Variants in RCOR1 observed in about 807,000 individuals in gnomAD.
The protein encoded by RCOR1 is REST corepressor 1.
RCOR1 carries 12 observed loss-of-function variants against 64.0 expected under a neutral mutation model. The observed-to-expected ratio is 0.19, with a 90% CI of 0.12 to 0.30. The LOEUF is 0.30. Ranked by LOEUF, RCOR1 falls within the 10% of genes least tolerant of loss-of-function variation. The pLI, the probability that RCOR1 is intolerant of heterozygous loss-of-function variation, is 1.00. For missense variants in RCOR1, 502 were observed against 621.2 expected (o/e 0.81, Z 2.04); for synonymous variants, 279 against 227.2 (o/e 1.23, Z -2.05).
At chr14:102,718,656 T>C (rs1896115520) in intron 8 of RCOR1, among the ~76,000 whole-genome samples, 2 of 152,174 alleles carry the variant, frequency 1.3e-5, no homozygotes, top group Non-Finnish European at 2.9e-5. Context: ...TGTTTTTTCT[T>C]TAAGTGTGAT....
chr14:102,719,253 TC>T (rs1296881745), intron 8 of RCOR1, among the ~76,000 whole-genome samples: 49 of 152,270 alleles, frequency 3.2e-4, no homozygotes, highest in African/African-American at 9.6e-4. Context: ...TTCTTCTTCT[TC>T]TTTTTTTAAA....
At chr14:102,720,613 C>T (rs1896153596) in intron 8 of RCOR1, among the ~76,000 whole-genome samples, 1 of 152,076 alleles carries the variant, frequency 6.6e-6, no homozygotes, top group Non-Finnish European at 1.5e-5. Context: ...AAAGACTGGG[C>T]CTTTTTGGTC....
chr14:102,661,138 G>A (rs1894816722), intron 2 of RCOR1, among the ~76,000 whole-genome samples: 1 of 152,156 alleles, frequency 6.6e-6, no homozygotes, highest in Non-Finnish European at 1.5e-5. Flanking sequence ...CTTGAGCCCA[G>A]GAATTCGAGA....
chr14:102,712,381 G>A (rs908397754), intron 7 of RCOR1, among the ~76,000 whole-genome samples: 2 of 151,412 alleles, frequency 1.3e-5, no homozygotes, highest in African/African-American at 2.4e-5. Flanking sequence ...GTAGAGATGG[G>A]GTTTCATCAT....
chr14:102,680,571 G>A (rs527411446), intron 2 of RCOR1, among the ~76,000 whole-genome samples: 5 of 152,144 alleles, frequency 3.3e-5, no homozygotes, highest in Non-Finnish European at 7.3e-5. Context: ...ACTTTGGGAG[G>A]CCAAGGCAGG....
At chr14:102,598,471 G>C (rs539304435) in intron 2 of RCOR1, among the ~76,000 whole-genome samples, 1 of 133,196 alleles carries the variant, frequency 7.5e-6, no homozygotes, top group Admixed American at 8.3e-5. Flanking sequence ...TTTTTGAGAC[G>C]GTGTCTCGCT....
At chr14:102,620,855 C>G (rs1893858759) in intron 2 of RCOR1, among the ~76,000 whole-genome samples, 1 of 152,156 alleles carries the variant, frequency 6.6e-6, no homozygotes, top group Admixed American at 6.6e-5. Context: ...CTTTCTTTAT[C>G]TCCTTCACTT....
chr14:102,654,045 G>A (rs1894670451), intron 2 of RCOR1, among the ~76,000 whole-genome samples: 1 of 140,018 alleles, frequency 7.1e-6, no homozygotes, highest in Non-Finnish European at 1.5e-5. Context: ...GAGTGCAGTG[G>A]TGCGATCTCC....
chr14:102,604,516 A>G (rs1354714249), intron 2 of RCOR1, among the ~76,000 whole-genome samples: 1 of 152,196 alleles, frequency 6.6e-6, no homozygotes, highest in Non-Finnish European at 1.5e-5. Flanking sequence ...CAACAGTCAT[A>G]TGATGTAAAG....
chr14:102,707,633 C>T, intron 5 of RCOR1, 121 bp downstream of exon 5: 1 of 888,218 alleles, frequency 1.1e-6, no homozygotes, highest in South Asian at 1.8e-5. Flanking sequence ...TAAAGTTCCC[C>T]TTTAGATTCA....
intron 11 of RCOR1, 133 bp from the exon 12 acceptor site, chr14:102,726,335 A>C: frequency 2.5e-6 from 2 of 804,112 alleles, no homozygotes; most frequent in Non-Finnish European, 3.9e-6. Flanking sequence ...CCCTCCAAAA[A>C]AAAAAAAAAG....
At chr14:102,598,403 A>G (rs1893310597) in intron 2 of RCOR1, among the ~76,000 whole-genome samples, 1 of 151,654 alleles carries the variant, frequency 6.6e-6, no homozygotes, top group East Asian at 1.9e-4. Context: ...CAAAGAGTGA[A>G]TGAGGTGGAT....
intron 2 of RCOR1, among the ~76,000 whole-genome samples, chr14:102,598,479 G>A (rs558951247): frequency 5.2e-5 from 7 of 135,652 alleles, no homozygotes; most frequent in African/African-American, 1.7e-4. Flanking sequence ...ACGGTGTCTC[G>A]CTCTGTTGTC....
intron 3 of RCOR1, 47 bp downstream of exon 3, chr14:102,682,025 G>C (rs1196568729): frequency 7.8e-7 from 1 of 1,288,152 alleles, no homozygotes; most frequent in Admixed American, 1.7e-5. Context: ...TTTAATGTAA[G>C]GTTTTAAAGG....
chr14:102,707,308 GT>G (rs1290660464), intron 4 of RCOR1, 42 bp from the exon 5 acceptor site: 1 of 1,435,108 alleles, frequency 7.0e-7, no homozygotes. Flanking sequence ...CATTTTCATT[GT>G]TTTTTGTTTG....
intron 2 of RCOR1, among the ~76,000 whole-genome samples, chr14:102,617,168 T>C (rs1352410752): frequency 1.3e-5 from 2 of 151,348 alleles, no homozygotes; most frequent in African/African-American, 2.4e-5. Flanking sequence ...AGCTAACAGT[T>C]ATCAGGCAGT....
Position 102,633,788 on chromosome 14 carries a change from C to T in RCOR1, c.361+40463C>T, listed in dbSNP as rs376590800. On this transcript the variant is annotated intron_variant, in intron 2 of 11. Coordinates refer to ENST00000262241, the MANE Select transcript of RCOR1 (RefSeq NM_015156.4). Reference sequence around the variant, plus strand: ...TCCTGACCTCAGGTGATCCACCCACCTCAGCCTCCCCAAGTGCTGGGATTA... The same window carrying T: ...TCCTGACCTCAGGTGATCCACCCACTTCAGCCTCCCCAAGTGCTGGGATTA... 1.2e-4 allele frequency among the ~76,000 whole-genome samples: 18 copies of T among 151,898 alleles called. No homozygotes were observed. In the East Asian group the frequency reaches 3.1e-3, roughly 26 times the overall value.
intron 2 of RCOR1, among the ~76,000 whole-genome samples, chr14:102,619,425 C>CTCTA (rs970046491): frequency 2.0e-5 from 3 of 150,344 alleles, no homozygotes; most frequent in Non-Finnish European, 4.4e-5. Context: ...TGGCCCATGC[C>CTCTA]TCTATCTATC....
At chr14:102,655,210 T>C in intron 2 of RCOR1, 2 of 979,674 alleles carry the variant, frequency 2.0e-6, no homozygotes, top group Non-Finnish European at 2.4e-6. Context: ...AAAAGGGTTA[T>C]GCACAAGAGA....
Sources: gnomAD v4.1 joint callset for allele counts (sites outside exome capture counted in the v4.1 genomes callset) on GRCh38, gnomAD v4.1.1 for gene constraint, MANE v1.5 for transcripts, NCBI Gene and HGNC (gene_info 2026-07-23, HGNC 2026-07-21) for gene names.